The following MARCHF1 variants were observed in gnomAD, a reference collection of about 807,000 sequenced individuals.
MARCHF1 encodes E3 ubiquitin-protein ligase MARCHF1.
In MARCHF1, 40 loss-of-function variants were observed where a neutral mutation model predicts 54.2. The observed-to-expected ratio is 0.74, with a 90% CI of 0.57 to 0.96. The LOEUF (loss-of-function observed/expected upper bound fraction) is 0.96, where lower values mean the gene tolerates loss of function less well. Among genes scored for constraint, MARCHF1 ranks in the 40% least tolerant of loss-of-function variants. The pLI is 0.00. For missense variants in MARCHF1, 586 were observed against 656.5 expected, an observed-to-expected ratio of 0.89 and a Z score of 1.17; for synonymous variants, 236 against 236.3, an observed-to-expected ratio of 1.00 and a Z score of 0.01.
At chr4:164,021,272 T>G (rs1753657967) in intron 2 of MARCHF1, among the ~76,000 whole-genome samples, 1 of 152,086 alleles carries the variant, frequency 6.6e-6, no homozygotes, top group South Asian at 2.1e-4. Flanking sequence ...AAATGAAACT[T>G]CTCTTAGGCA....
At chr4:164,187,506 G>A (rs1387213915) in intron 1 of MARCHF1, among the ~76,000 whole-genome samples, 1 of 152,084 alleles carries the variant, frequency 6.6e-6, no homozygotes, top group East Asian at 1.9e-4. Flanking sequence ...TAGGACCTGG[G>A]GGGATGGGGA....
At chr4:163,701,155 T>C (rs1161839803) in intron 4 of MARCHF1, among the ~76,000 whole-genome samples, 1 of 152,190 alleles carries the variant, frequency 6.6e-6, no homozygotes, top group East Asian at 1.9e-4. Flanking sequence ...ATTTTTGAAA[T>C]TCTTCGGCAC....
intron 5 of MARCHF1, among the ~76,000 whole-genome samples, chr4:163,688,737 G>T (rs998149041): frequency 6.6e-6 from 1 of 152,080 alleles, no homozygotes; most frequent in East Asian, 1.9e-4. Flanking sequence ...TCAGTAGAGA[G>T]CATTCATTCC....
chr4:164,011,353 G>A (rs1402755870), intron 2 of MARCHF1, among the ~76,000 whole-genome samples: 1 of 151,438 alleles, frequency 6.6e-6, no homozygotes. Flanking sequence ...TTAAGAAAAT[G>A]TTTGCAAACT....
At chr4:164,233,617 C>T (rs1248249129) in intron 1 of MARCHF1, among the ~76,000 whole-genome samples, 3 of 152,140 alleles carry the variant, frequency 2.0e-5, no homozygotes, top group African/African-American at 7.2e-5. Context: ...GCCTTTAAAA[C>T]CATGGCTTGA....
chr4:163,781,023 G>A, intron 4 of MARCHF1, among the ~76,000 whole-genome samples: 1 of 152,104 alleles, frequency 6.6e-6, no homozygotes, highest in East Asian at 1.9e-4. Context: ...AGTCTTGACT[G>A]TTGGAAGACA....
intron 2 of MARCHF1, among the ~76,000 whole-genome samples, chr4:164,056,250 T>C (rs775956324): frequency 6.6e-6 from 1 of 152,186 alleles, no homozygotes; most frequent in Non-Finnish European, 1.5e-5. Context: ...TGTGTGTCGC[T>C]ATGAGAACAG....
At chr4:164,197,829 G>A (rs1731325249) in intron 1 of MARCHF1, 10 of 1,495,712 alleles carry the variant, frequency 6.7e-6, no homozygotes, top group Non-Finnish European at 8.9e-6. Context: ...CTCGGTTCTC[G>A]AGCCCCAATA....
intron 3 of MARCHF1, among the ~76,000 whole-genome samples, chr4:163,968,838 T>C (rs1223566885): frequency 6.6e-6 from 1 of 151,892 alleles, no homozygotes; most frequent in African/African-American, 2.4e-5. Context: ...AAATAAAGAG[T>C]AGACTTCCTG....
At chr4:164,221,648 G>T (rs1202725824) in intron 1 of MARCHF1, among the ~76,000 whole-genome samples, 2 of 151,880 alleles carry the variant, frequency 1.3e-5, no homozygotes, top group Non-Finnish European at 2.9e-5. Context: ...AATGCCTTCA[G>T]AAATATAGGA....
At chr4:163,847,996 T>A (rs1417198538) in intron 4 of MARCHF1, among the ~76,000 whole-genome samples, 1 of 152,208 alleles carries the variant, frequency 6.6e-6, no homozygotes, top group Admixed American at 6.5e-5. Flanking sequence ...TGGAGTGTAA[T>A]GCCTAAACTC....
intron 1 of MARCHF1, among the ~76,000 whole-genome samples, chr4:164,341,677 C>T (rs13134264): frequency 0.43 from 64,978 of 151,926 alleles, 14,761 homozygotes; most frequent in Non-Finnish European, 0.5. Context: ...TTTAGGGCCT[C>T]TTTAATAAGG....
chr4:163,794,011 C>G (rs902363798), intron 4 of MARCHF1, among the ~76,000 whole-genome samples: 1 of 152,176 alleles, frequency 6.6e-6, no homozygotes, highest in African/African-American at 2.4e-5. Flanking sequence ...ACAATACTAT[C>G]AAGTTCAGTA....
At position 163,619,629 on chromosome 4, in the gene MARCHF1, C is replaced by T. The variant is rs113400770; in HGVS notation, c.163-6236G>A. 4.2e-4 allele frequency among the ~76,000 whole-genome samples: 63 copies of T among 151,718 alleles called. 1 individual carries two copies. Among genetic ancestry groups the T allele is most frequent in the African/African-American group, 1.4e-3 (59 of 41,368 alleles). On this transcript the variant is annotated intron_variant, in intron 5 of 9. Transcript: ENST00000514618. Reference sequence around the variant, plus strand: ...TGTCTATATGTATCTTTCTGTTTCTCGGTACAGACAAATTTGCATCTCTAG... The same window carrying T: ...TGTCTATATGTATCTTTCTGTTTCTTGGTACAGACAAATTTGCATCTCTAG...
intron 7 of MARCHF1, among the ~76,000 whole-genome samples, chr4:163,609,572 C>T (rs1020710827): frequency 1.3e-5 from 2 of 151,578 alleles, no homozygotes; most frequent in African/African-American, 4.8e-5. Context: ...GTGTATGTGA[C>T]TTCATTAAGC....
intron 1 of MARCHF1, among the ~76,000 whole-genome samples, chr4:164,141,019 A>G (rs1204302982): frequency 6.6e-6 from 1 of 152,174 alleles, no homozygotes; most frequent in Non-Finnish European, 1.5e-5. Flanking sequence ...ATAGCACCCT[A>G]TTTTCCTATA....
intron 2 of MARCHF1, among the ~76,000 whole-genome samples, chr4:164,017,215 C>G (rs1233816504): frequency 6.6e-6 from 1 of 151,998 alleles, no homozygotes; most frequent in Non-Finnish European, 1.5e-5. Flanking sequence ...AAACATCACA[C>G]TTAATGATTA....
In MARCHF1 at chr4:164,168,111, G is replaced by A. The variant is rs541488356; in HGVS notation, c.-322-56449C>T. Among the ~76,000 whole-genome samples, 3 of 152,058 alleles carry A rather than the reference G, an allele frequency of 2.0e-5. No homozygotes were observed. In the South Asian group the frequency reaches 6.2e-4, roughly 32 times the overall value. ...TGATTGAAAAATGGGCAAAGGATCT[G>A]AACAGCCATTTCTCCAAAGAAGACA... is the stretch of plus-strand genomic sequence containing the variant. On this transcript the variant is annotated intron_variant, in intron 1 of 9. Coordinates refer to ENST00000514618, the MANE Select transcript of MARCHF1 (RefSeq NM_001394959.1).
chr4:163,805,350 A>T (rs1748196761), intron 4 of MARCHF1, among the ~76,000 whole-genome samples: 1 of 147,886 alleles, frequency 6.8e-6, no homozygotes, highest in Non-Finnish European at 1.5e-5. Context: ...AGTAAAAGAA[A>T]TAAAATATTT....
Sources: allele counts gnomAD v4.1 joint callset (sites outside exome capture counted in the v4.1 genomes callset), GRCh38; gene constraint gnomAD v4.1.1; transcripts MANE v1.5; gene names NCBI Gene and HGNC (gene_info 2026-07-23, HGNC 2026-07-21).